HSD17B3: variants seen among roughly 807,000 people sequenced by gnomAD.
HSD17B3 encodes hydroxysteroid 17-beta dehydrogenase 3.
In HSD17B3, 29 loss-of-function variants were observed where a neutral mutation model predicts 41.1. The ratio of observed to expected loss-of-function variants is 0.71; its 90% CI spans 0.53 to 0.96. The LOEUF (loss-of-function observed/expected upper bound fraction) is 0.96. HSD17B3 is among the 40% of genes least tolerant of loss of function. The pLI is 0.00. For missense variants in HSD17B3, 323 were observed against 374.6 expected (o/e 0.86, Z 1.14); for synonymous variants, 126 against 145.6 (o/e 0.87, Z 0.97).
intron 3 of HSD17B3, 51 bp downstream of exon 3, chr9:96,254,817 G>T: frequency 6.7e-7 from 1 of 1,484,482 alleles, no homozygotes; most frequent in Non-Finnish European, 9.4e-7. Flanking sequence ...GTGGGAGCAG[G>T]CTTGGTTGGA....
rs1836792320 is a variant in HSD17B3 at position 96,249,152 on chromosome 9, C to T, written c.489+599G>A. Among the ~76,000 whole-genome samples, 3 of 152,126 alleles carry T rather than the reference C, an allele frequency of 2.0e-5. No individual in the cohort carries two copies. In the South Asian group the frequency reaches 6.2e-4, roughly 32 times the overall value. Reference sequence around the variant, plus strand: ...CAACTCCTGACCTCAGGTGATCTACCTCGGCCTCCCAAAGTGCTGGGATTA... The same window carrying T: ...CAACTCCTGACCTCAGGTGATCTACTTCGGCCTCCCAAAGTGCTGGGATTA... On this transcript the variant is annotated intron_variant, in intron 6 of 10. Coordinates refer to ENST00000375263, the MANE Select transcript of HSD17B3 (RefSeq NM_000197.2).
At chr9:96,293,388 A>T (rs1241217540) in intron 2 of HSD17B3, among the ~76,000 whole-genome samples, 1 of 152,168 alleles carries the variant, frequency 6.6e-6, no homozygotes, top group Non-Finnish European at 1.5e-5. Flanking sequence ...CACCTGATAG[A>T]TGGCCTGTGG....
At chr9:96,288,616 A>G (rs1470042896) in intron 2 of HSD17B3, among the ~76,000 whole-genome samples, 3 of 151,856 alleles carry the variant, frequency 2.0e-5, no homozygotes, top group Non-Finnish European at 4.4e-5. Flanking sequence ...CACCCCCACC[A>G]CCACCACCAT....
In HSD17B3 at chr9:96,254,922, C is replaced by T; in HGVS notation, c.223G>A (p.Val75Ile). 2.5e-6 allele frequency: 4 copies of T among 1,614,008 alleles called. No homozygotes were observed. Among genetic ancestry groups the T allele is most frequent in the Non-Finnish European group, 3.4e-6 (4 of 1,179,990 alleles). Residue 75 changes from valine to isoleucine, a missense_variant, in exon 3 of 11, where the codon GTT (valine) becomes ATT (isoleucine). Coordinates refer to ENST00000375263, the MANE Select transcript of HSD17B3 (RefSeq NM_000197.2). Reference protein sequence around the residue: ...SFELAKRGLNVVLISRTLEKL... With the variant: ...SFELAKRGLNIVLISRTLEKL... ...TCCAGCGTCCGGCTAATAAGGACAA[C>T]ATTGAGTCCACGTTTTGCTAGCTGA... is the stretch of plus-strand genomic sequence containing the variant.
At chr9:96,271,866 C>G (rs543286994) in intron 2 of HSD17B3, among the ~76,000 whole-genome samples, 52 of 151,994 alleles carry the variant, frequency 3.4e-4, no homozygotes, top group African/African-American at 1.1e-3. Context: ...GAAAGGAATC[C>G]CAAGACATTT....
intron 2 of HSD17B3, among the ~76,000 whole-genome samples, chr9:96,281,869 A>G (rs1382232846): frequency 6.6e-6 from 1 of 152,192 alleles, no homozygotes; most frequent in Non-Finnish European, 1.5e-5. Flanking sequence ...GCCTCAGGCA[A>G]TGCTTTCCTT....
chr9:96,264,918 A>C (rs1342801527), intron 2 of HSD17B3, among the ~76,000 whole-genome samples: 4 of 152,242 alleles, frequency 2.6e-5, no homozygotes, highest in African/African-American at 9.6e-5. Flanking sequence ...ATACATTCTG[A>C]CAAAATAGTT....
intron 3 of HSD17B3, among the ~76,000 whole-genome samples, chr9:96,253,298 C>T (rs564679333): frequency 2.0e-5 from 3 of 152,152 alleles, no homozygotes; most frequent in South Asian, 2.1e-4. Flanking sequence ...CTGCTTAACA[C>T]ACCTCCGAGG....
intron 9 of HSD17B3, 45 bp downstream of exon 9, chr9:96,244,284 A>C: frequency 6.3e-7 from 1 of 1,598,356 alleles, no homozygotes. Flanking sequence ...ACAGCCGCCC[A>C]CCTCACCTGG....
chr9:96,298,388 G>A, intron 2 of HSD17B3, 28 bp downstream of exon 2: 1 of 1,594,206 alleles, frequency 6.3e-7, no homozygotes. Context: ...ATACAAGGGA[G>A]GAGAAAGTCC....
chr9:96,262,718 G>A (rs1825907329), intron 2 of HSD17B3, among the ~76,000 whole-genome samples: 1 of 152,174 alleles, frequency 6.6e-6, no homozygotes, highest in Admixed American at 6.5e-5. Flanking sequence ...CAAAAAGTGC[G>A]ATTACTTTTT....
chr9:96,300,714 A>G (rs1248494474), intron 1 of HSD17B3, among the ~76,000 whole-genome samples: 1 of 152,018 alleles, frequency 6.6e-6, no homozygotes, highest in South Asian at 2.1e-4. Flanking sequence ...CCATGGCCTC[A>G]TGCTCTTCAC....
chr9:96,270,534 C>T (rs1003568533), intron 2 of HSD17B3, among the ~76,000 whole-genome samples: 2 of 152,242 alleles, frequency 1.3e-5, no homozygotes, highest in Admixed American at 1.3e-4. Context: ...GCCAAAGACA[C>T]TGCCATATAT....
At chr9:96,298,723 C>T (rs1827461071) in intron 1 of HSD17B3, among the ~76,000 whole-genome samples, 2 of 151,980 alleles carry the variant, frequency 1.3e-5, no homozygotes, top group East Asian at 1.9e-4. Flanking sequence ...GAGGGATTGG[C>T]GAGACTGTGG....
At chr9:96,269,909 G>GA (rs59947729) in intron 2 of HSD17B3, among the ~76,000 whole-genome samples, 1,325 of 103,904 alleles carry the variant, frequency 0.013, 27 homozygotes, top group African/African-American at 0.04. Flanking sequence ...ATCTTAAAAA[G>GA]AAAAAAAAAA....
intron 5 of HSD17B3, chr9:96,250,359 C>T: frequency 3.7e-6 from 4 of 1,074,380 alleles, no homozygotes; most frequent in Non-Finnish European, 4.5e-6. Context: ...GAGACAGAGC[C>T]CACACAGGAG....
intron 3 of HSD17B3, among the ~76,000 whole-genome samples, chr9:96,253,641 C>T (rs373568148): frequency 1.1e-4 from 17 of 152,116 alleles, no homozygotes; most frequent in African/African-American, 3.9e-4. Flanking sequence ...TTGCCTTCTG[C>T]GGGAGTTTTC....
intron 1 of HSD17B3, among the ~76,000 whole-genome samples, chr9:96,300,010 C>T (rs1827513395): frequency 6.6e-6 from 1 of 151,712 alleles, no homozygotes; most frequent in Non-Finnish European, 1.5e-5. Context: ...TCTCTGTCCC[C>T]ATTTGAACTT....
chr9:96,275,966 T>C (rs1826433817), intron 2 of HSD17B3, among the ~76,000 whole-genome samples: 1 of 151,500 alleles, frequency 6.6e-6, no homozygotes, highest in African/African-American at 2.4e-5. Context: ...TTGAATGGAC[T>C]TAAAAAACAA....
Sources: gnomAD v4.1 joint callset for allele counts (sites outside exome capture counted in the v4.1 genomes callset) on GRCh38, gnomAD v4.1.1 for gene constraint, MANE v1.5 for transcripts, NCBI Gene and HGNC (gene_info 2026-07-23, HGNC 2026-07-21) for gene names.